Variants in DYNC2H1 observed in about 807,000 individuals in gnomAD.
DYNC2H1 encodes dynein cytoplasmic 2 heavy chain 1, also known as cytoplasmic dynein 2 heavy chain 1.
DYNC2H1 carries 410 observed loss-of-function variants against 570.0 expected under a neutral mutation model. The observed-to-expected ratio is 0.72, with a 90% CI of 0.66 to 0.78. DYNC2H1 has a LOEUF of 0.78. Ranked by LOEUF, DYNC2H1 falls within the 30% of genes least tolerant of loss-of-function variation. DYNC2H1 has a pLI of 0.00. For synonymous variants in DYNC2H1, 1,688 were observed against 1,677.6 expected (o/e 1.01, Z -0.15); for missense variants, 4,865 against 5,046.4 (o/e 0.96, Z 1.09).
intron 84 of DYNC2H1, among the ~76,000 whole-genome samples, chr11:103,423,722 C>T (rs946976327): frequency 6.6e-6 from 1 of 151,098 alleles, no homozygotes; most frequent in African/African-American, 2.4e-5. Flanking sequence ...TAGATTTTTT[C>T]AAAAAACTCA....
chr11:103,455,313 C>G lies in DYNC2H1; in HGVS notation c.12566+18C>G. ...ACTGCAAGGTAATTAAAATGAAATA[C>G]TTTACCTATTTGTCCCTGACGGTAA... On this transcript the variant is annotated intron_variant, in intron 86 of 88. Coordinates refer to ENST00000375735, the MANE Select transcript of DYNC2H1 (RefSeq NM_001377.3). 2 of 1,599,824 alleles carry G rather than the reference C, an allele frequency of 1.3e-6. No individual in the cohort carries two copies. Among genetic ancestry groups the G allele is most frequent in the Non-Finnish European group, 1.7e-6 (2 of 1,167,846 alleles).
chr11:103,452,376 G>A (rs896943184), intron 85 of DYNC2H1, among the ~76,000 whole-genome samples: 1 of 151,066 alleles, frequency 6.6e-6, no homozygotes, highest in Non-Finnish European at 1.5e-5. Context: ...TTGGCCCTTT[G>A]GGATTTTCAT....
chr11:103,155,438 A>G lies in DYNC2H1; in HGVS notation c.3681A>G (p.Lys1227=). 1.2e-6 allele frequency: 2 copies of G among 1,612,606 alleles called. No homozygotes were observed. The highest frequency in any genetic ancestry group is 1.7e-6 in the Non-Finnish European group (2 of 1,179,168). ...TTCCTAGGGGGACTAGTCTAGAGAA[A>G]CTACTGTTTGGTGATTTGCTCAGAG... The part of the protein sequence containing the change: ...LGLPRGTSLE[K]LLFGDLLRVA... Residue 1227 remains lysine (K), a synonymous_variant, in exon 25 of 89, where the codon AAA becomes AAG. Coordinates refer to ENST00000375735, the MANE Select transcript of DYNC2H1 (RefSeq NM_001377.3).
intron 82 of DYNC2H1, among the ~76,000 whole-genome samples, chr11:103,341,327 TC>T (rs1292670574): frequency 6.6e-6 from 1 of 152,114 alleles, no homozygotes; most frequent in Non-Finnish European, 1.5e-5. Context: ...TTTCTTTTCT[TC>T]CCCCCCTTTT....
At chr11:103,387,818 T>A (rs1941954182) in intron 83 of DYNC2H1, among the ~76,000 whole-genome samples, 1 of 152,212 alleles carries the variant, frequency 6.6e-6, no homozygotes, top group African/African-American at 2.4e-5. Context: ...GTTGTAGATA[T>A]GTGGCATTAT....
chr11:103,336,490 T>C (rs1441775019), intron 82 of DYNC2H1, among the ~76,000 whole-genome samples: 1 of 136,728 alleles, frequency 7.3e-6, no homozygotes, highest in Non-Finnish European at 1.6e-5. Flanking sequence ...TGGTAACTGT[T>C]ATTCTACTCT....
chr11:103,463,180 T>C (rs1218394568), intron 87 of DYNC2H1, among the ~76,000 whole-genome samples: 1 of 151,966 alleles, frequency 6.6e-6, no homozygotes, highest in Non-Finnish European at 1.5e-5. Context: ...TGGTAAAATA[T>C]AAAAAAAGGA....
At position 103,399,880 on chromosome 11, in the gene DYNC2H1, A is replaced by G. The variant is rs200404815; in HGVS notation, c.12366+8A>G. On this transcript the variant is annotated splice_region_variant and intron_variant, in intron 84 of 88. Coordinates refer to ENST00000375735, the MANE Select transcript of DYNC2H1 (RefSeq NM_001377.3). ...GCTTTATTAAACCAAAAGGTAAGCG[A>G]GTACTAACTGTATGTATTTTTATTT... 3,409 of 1,603,472 alleles carry G rather than the reference A, an allele frequency of 2.1e-3. 4 individuals carry two copies. The highest frequency in any genetic ancestry group is 2.5e-3 in the Non-Finnish European group (2,940 of 1,171,004).
intron 5 of DYNC2H1, among the ~76,000 whole-genome samples, chr11:103,117,298 C>T (rs1341373446): frequency 2.8e-5 from 4 of 144,850 alleles, no homozygotes; most frequent in African/African-American, 5.1e-5. Context: ...TTTTATTATA[C>T]TTTAAGTTCT....
chr11:103,292,646 G>C (rs994219516), intron 75 of DYNC2H1, among the ~76,000 whole-genome samples: 1 of 152,212 alleles, frequency 6.6e-6, no homozygotes, highest in Non-Finnish European at 1.5e-5. Flanking sequence ...ATCCCTTGTG[G>C]CTTGGTGCTG....
At position 103,334,849 on chromosome 11, in the gene DYNC2H1, A is replaced by G. The variant is rs1939030867; in HGVS notation, c.12039+10859A>G. On this transcript the variant is annotated intron_variant, in intron 82 of 88. Coordinates refer to ENST00000375735, the MANE Select transcript of DYNC2H1 (RefSeq NM_001377.3). This position sits in a 1 kb window ranked among gnomAD's most constrained non-coding sequence, Gnocchi z 4.3. ...AGAATACAAAGATTGCTGTGGAGTA[A>G]TCTTTCCACATGCTGCAGAGAGAAG... is the stretch of plus-strand genomic sequence containing the variant. 6.6e-6 allele frequency among the ~76,000 whole-genome samples: 1 copy of G among 152,072 alleles called. No individual in the cohort carries two copies. Among genetic ancestry groups the G allele is most frequent in the Non-Finnish European group, 1.5e-5 (1 of 67,952 alleles).
rs373531037 is a variant in DYNC2H1, at chr11:103,143,332, A to G, written c.2639A>G (p.His880Arg). 1.4e-5 allele frequency: 23 copies of G among 1,613,378 alleles called. No homozygotes were observed. The highest frequency in any genetic ancestry group is 5.0e-5 in the Admixed American group (3 of 59,980). ...GTGGAAAAGCATCTTTTTACTGTACATGATTGGGAGAAAAATTTTAAAGCA... is the reference window on the plus strand; with the variant it reads ...GTGGAAAAGCATCTTTTTACTGTACGTGATTGGGAGAAAAATTTTAAAGCA... ...ALVEKHLFTV[H>R]DWEKNFKALK... is the part of the protein sequence containing the mutation. The change falls in exon 18 of 89, where the codon CAT becomes CGT. Residue 880 changes from histidine to arginine, a missense_variant. His to Arg is a conservative substitution (Grantham distance 29, BLOSUM62 0). This residue lies in a region of DYNC2H1 where 1,936 missense variants were observed against 1,962.1 expected (regional missense o/e 0.99). Coordinates refer to ENST00000375735, the MANE Select transcript of DYNC2H1 (RefSeq NM_001377.3).
chr11:103,297,626 A>G (rs1323598128), intron 75 of DYNC2H1, among the ~76,000 whole-genome samples: 1 of 152,122 alleles, frequency 6.6e-6, no homozygotes, highest in Non-Finnish European at 1.5e-5. Context: ...CATAGAAAAG[A>G]TACAGTAAAA....
chr11:103,257,504 T>C, intron 68 of DYNC2H1, 104 bp from the exon 69 acceptor site: 1 of 1,168,302 alleles, frequency 8.6e-7, no homozygotes. Flanking sequence ...AGTAAGGTTT[T>C]TTTATTACTT....
chr11:103,248,990 T>C (rs1864728935), intron 65 of DYNC2H1, among the ~76,000 whole-genome samples: 1 of 152,054 alleles, frequency 6.6e-6, no homozygotes, highest in Non-Finnish European at 1.5e-5. Context: ...CCAACTCTTG[T>C]ACCTTGCCCA....
intron 84 of DYNC2H1, among the ~76,000 whole-genome samples, chr11:103,430,332 C>T (rs1461933986): frequency 6.6e-6 from 1 of 151,994 alleles, no homozygotes; most frequent in African/African-American, 2.4e-5. Flanking sequence ...CGAGGGTTGT[C>T]GTAAGATATA....
chr11:103,111,937 T>C (rs1858135328), intron 1 of DYNC2H1, among the ~76,000 whole-genome samples: 1 of 152,136 alleles, frequency 6.6e-6, no homozygotes, highest in South Asian at 2.1e-4. Context: ...AGGAGTAACA[T>C]TGGAATGGAC....
rs76656878 is a variant in DYNC2H1, at chr11:103,367,940, G to A, written c.12156+9581G>A. Reference sequence around the variant, plus strand: ...TTCCTCCGTGTTGTCACAACTGACAGAATTTCATTCTTTTTTTTCCTATAG... The same window carrying A: ...TTCCTCCGTGTTGTCACAACTGACAAAATTTCATTCTTTTTTTTCCTATAG... On this transcript the variant is annotated intron_variant, in intron 83 of 88. Transcript: ENST00000375735. Among the ~76,000 whole-genome samples, 593 of 152,262 alleles carry A rather than the reference G, an allele frequency of 3.9e-3. 7 individuals carry two copies. Among genetic ancestry groups the A allele is most frequent in the African/African-American group, 0.014 (572 of 41,566 alleles).
chr11:103,128,322 G>A (rs2134746941), intron 12 of DYNC2H1, among the ~76,000 whole-genome samples: 1 of 152,314 alleles, frequency 6.6e-6, no homozygotes, highest in East Asian at 1.9e-4. Flanking sequence ...GGCCATGATT[G>A]GAAGCAGAGA....
Sources: gnomAD v4.1 joint callset for allele counts (sites outside exome capture counted in the v4.1 genomes callset) on GRCh38, gnomAD v4.1.1 for gene constraint, gnomAD v4.1.1 regional missense constraint, Gnocchi (gnomAD v3.1) non-coding constraint, MANE v1.5 for transcripts, NCBI Gene and HGNC (gene_info 2026-07-23, HGNC 2026-07-21) for gene names.